RCAN2: variants seen among roughly 807,000 people sequenced by gnomAD.
The protein encoded by RCAN2 is calcipressin-2.
A neutral mutation model predicts 23.6 loss-of-function variants in RCAN2; 9 were observed. The ratio of observed to expected loss-of-function variants is 0.38; its 90% confidence interval spans 0.23 to 0.67. The LOEUF is 0.67. RCAN2 is among the 30% of genes least tolerant of loss of function. The pLI is 0.51. For synonymous variants in RCAN2, 109 were observed against 115.7 expected, an observed-to-expected ratio of 0.94 and a Z score of 0.37; for missense variants, 273 against 302.3, an observed-to-expected ratio of 0.90 and a Z score of 0.72.
At chr6:46,340,847 G>T (rs1251390483) in intron 2 of RCAN2, among the ~76,000 whole-genome samples, 1 of 152,208 alleles carries the variant, frequency 6.6e-6, no homozygotes, top group African/African-American at 2.4e-5. Flanking sequence ...GATAGAAACA[G>T]AAGCAAGAGG....
intron 2 of RCAN2, among the ~76,000 whole-genome samples, chr6:46,303,269 A>T (rs774259730): frequency 1.3e-4 from 20 of 151,914 alleles, no homozygotes; most frequent in Non-Finnish European, 2.1e-4. Flanking sequence ...AGCCTTGTGT[A>T]CTTACTGGGA....
chr6:46,363,184 T>A (rs910597209), intron 2 of RCAN2, among the ~76,000 whole-genome samples: 3 of 152,212 alleles, frequency 2.0e-5, no homozygotes, highest in Non-Finnish European at 4.4e-5. Flanking sequence ...GAATAATTCA[T>A]CATTTAATTT....
intron 2 of RCAN2, among the ~76,000 whole-genome samples, chr6:46,329,935 C>T (rs1763911649): frequency 6.6e-6 from 1 of 152,178 alleles, no homozygotes; most frequent in Admixed American, 6.5e-5. Flanking sequence ...CCTTCCAATC[C>T]CAGAGGAAGC....
At chr6:46,306,306 C>A (rs138054721) in intron 2 of RCAN2, among the ~76,000 whole-genome samples, 230 of 152,236 alleles carry the variant, frequency 1.5e-3, no homozygotes, top group African/African-American at 5.2e-3. Flanking sequence ...TCCAGCCCAA[C>A]CATAACTGTG....
chr6:46,454,844 C>T (rs534336043), intron 2 of RCAN2, among the ~76,000 whole-genome samples: 2 of 152,190 alleles, frequency 1.3e-5, no homozygotes, highest in Non-Finnish European at 2.9e-5. Flanking sequence ...TACAGACTCC[C>T]ATGAACTCCC....
At chr6:46,297,718 T>C (rs1441344183) in intron 2 of RCAN2, among the ~76,000 whole-genome samples, 1 of 152,154 alleles carries the variant, frequency 6.6e-6, no homozygotes, top group Non-Finnish European at 1.5e-5. Context: ...ATTCTTTGAG[T>C]TGCTAAGAAA....
chr6:46,391,778 T>C (rs1765945100), intron 2 of RCAN2, among the ~76,000 whole-genome samples: 1 of 152,012 alleles, frequency 6.6e-6, no homozygotes, highest in South Asian at 2.1e-4. Flanking sequence ...ACTTAGAGGA[T>C]TATGAAGGTG....
At chr6:46,260,167 C>T (rs1254101436) in intron 2 of RCAN2, among the ~76,000 whole-genome samples, 1 of 152,186 alleles carries the variant, frequency 6.6e-6, no homozygotes, top group Non-Finnish European at 1.5e-5. Flanking sequence ...ATCCTGAGGC[C>T]ACCCAGGGCC....
At chr6:46,278,072 G>C (rs1767774800) in intron 2 of RCAN2, among the ~76,000 whole-genome samples, 1 of 152,062 alleles carries the variant, frequency 6.6e-6, no homozygotes, top group Non-Finnish European at 1.5e-5. Context: ...ATAATTACCT[G>C]ATAATCTTCA....
chr6:46,490,342 T>A (rs1769104354), intron 1 of RCAN2, among the ~76,000 whole-genome samples: 1 of 152,226 alleles, frequency 6.6e-6, no homozygotes, highest in African/African-American at 2.4e-5. Context: ...CATTTGGCAG[T>A]TGAACACCTC....
At chr6:46,413,386 C>G (rs1034976665) in intron 2 of RCAN2, among the ~76,000 whole-genome samples, 1 of 152,180 alleles carries the variant, frequency 6.6e-6, no homozygotes, top group African/African-American at 2.4e-5. Flanking sequence ...GTAGGCAGTT[C>G]TGTTGAAAGA....
At chr6:46,357,451 T>C (rs1764867958) in intron 2 of RCAN2, among the ~76,000 whole-genome samples, 1 of 152,218 alleles carries the variant, frequency 6.6e-6, no homozygotes, top group Non-Finnish European at 1.5e-5. Context: ...TAATGTATGT[T>C]TCTTGTTTTG....
At chr6:46,287,784 G>A (rs1762421112) in intron 2 of RCAN2, among the ~76,000 whole-genome samples, 1 of 152,248 alleles carries the variant, frequency 6.6e-6, no homozygotes, top group African/African-American at 2.4e-5. Context: ...TCTGGAAAGA[G>A]TATGGGATTC....
At chr6:46,276,266 A>T (rs1767699914) in intron 2 of RCAN2, among the ~76,000 whole-genome samples, 1 of 152,056 alleles carries the variant, frequency 6.6e-6, no homozygotes, top group Admixed American at 6.6e-5. Flanking sequence ...GTAGAATTCT[A>T]GTGGATATTA....
At chr6:46,273,130 GC>G (rs200815057) in intron 2 of RCAN2, among the ~76,000 whole-genome samples, 1 of 152,174 alleles carries the variant, frequency 6.6e-6, no homozygotes. Context: ...TTCAGGAGTT[GC>G]GGTTCCAACA....
chr6:46,267,066 A>T (rs1767357576), intron 2 of RCAN2, among the ~76,000 whole-genome samples: 1 of 152,236 alleles, frequency 6.6e-6, no homozygotes, highest in African/African-American at 2.4e-5. Context: ...AAAATCATCA[A>T]ATATAAATTT....
chr6:46,377,975 A>G (rs1765523709), intron 2 of RCAN2, among the ~76,000 whole-genome samples: 1 of 152,244 alleles, frequency 6.6e-6, no homozygotes, highest in Non-Finnish European at 1.5e-5. Flanking sequence ...CACTACAAAT[A>G]TAATGCATGA....
intron 4 of RCAN2, among the ~76,000 whole-genome samples, chr6:46,236,701 C>G (rs1766112907): frequency 6.6e-6 from 1 of 152,154 alleles, no homozygotes; most frequent in African/African-American, 2.4e-5. Flanking sequence ...AATATTCTTC[C>G]TATAGTTTAA....
chr6:46,333,954 T>A (rs1169394431), intron 2 of RCAN2, among the ~76,000 whole-genome samples: 1 of 152,170 alleles, frequency 6.6e-6, no homozygotes, highest in Non-Finnish European at 1.5e-5. Context: ...TGGTAAAGAG[T>A]CACCTGTGTT....
Sources: allele counts gnomAD v4.1 joint callset (sites outside exome capture counted in the v4.1 genomes callset), GRCh38; gene constraint gnomAD v4.1.1; transcripts MANE v1.5; gene names NCBI Gene and HGNC (gene_info 2026-07-23, HGNC 2026-07-21).